Variants in BANP observed in about 807,000 individuals in gnomAD.
BANP encodes BTG3 associated nuclear protein.
In BANP, 11 loss-of-function variants were observed where a neutral mutation model predicts 68.1. The observed-to-expected ratio is 0.16, with a 90% CI of 0.10 to 0.27. BANP has a LOEUF of 0.27. BANP is among the 10% of genes least tolerant of loss of function. The pLI is 1.00. For missense variants in BANP, 504 were observed against 722.7 expected (o/e 0.70, Z 3.47); for synonymous variants, 329 against 303.2 (o/e 1.09, Z -0.88).
chr16:88,009,176 G>T (rs1297408318), intron 6 of BANP, among the ~76,000 whole-genome samples: 2 of 152,236 alleles, frequency 1.3e-5, no homozygotes, highest in African/African-American at 4.8e-5. Flanking sequence ...TGCCGAGAAT[G>T]GGGCCAGCAT....
In BANP at chr16:88,071,642, A is replaced by G. The variant is rs1350125841; in HGVS notation, c.1378-427A>G. 2 of 464,486 alleles carry G rather than the reference A, an allele frequency of 4.3e-6. No homozygotes were observed. Among genetic ancestry groups the G allele is most frequent in the Non-Finnish European group, 8.6e-6 (2 of 232,494 alleles). The allele number at this position is 464,486 out of a possible 1,614,324, so 28.8% of individuals were successfully genotyped here. A position where few individuals can be genotyped will look rare whatever the true frequency, so the allele number is the denominator to read the frequency against. ...TGGGAATGGGGAGGGTTTGGGTCTC[A>G]GCCTCACGCTCACGGTCCTGGCTTG... is the stretch of plus-strand genomic sequence containing the variant. On this transcript the variant is annotated intron_variant, in intron 12 of 13. Transcript: ENST00000682872. The surrounding 1 kb of genome is among the most constrained non-coding windows in gnomAD (Gnocchi z 6.5).
chr16:87,985,325 G>T (rs1411014936), intron 4 of BANP, among the ~76,000 whole-genome samples: 1 of 152,234 alleles, frequency 6.6e-6, no homozygotes, highest in Non-Finnish European at 1.5e-5. Context: ...TCAGTTCGCA[G>T]GCGGGAGCTG....
Position 88,033,136 on chromosome 16 carries a change from C to T in BANP, c.1091C>T (p.Ala364Val), listed in dbSNP as rs1421427532. Reference sequence around the variant, plus strand: ...CCGATGATGAGCACCCCACCTCCTGCCAGCGAGCTCCCGCAGCCACAGCCG... The same window carrying T: ...CCGATGATGAGCACCCCACCTCCTGTCAGCGAGCTCCCGCAGCCACAGCCG... ...SEPMMSTPPP[A>V]SELPQPQPQP... Residue 364 changes from alanine to valine, a missense_variant, in exon 9 of 14, where the codon GCC (alanine) becomes GTC (valine). Physicochemically the swap from Ala to Val is moderately conservative, Grantham distance 64. This residue lies in a region of BANP where 223 missense variants were observed against 246.2 expected (regional missense o/e 0.91). Transcript: ENST00000682872. The T allele has an allele frequency of 1.9e-6, 3 of 1,608,400 alleles. No individual in the cohort carries two copies. Among genetic ancestry groups the T allele is most frequent in the Non-Finnish European group, 1.7e-6 (2 of 1,175,848 alleles).
intron 4 of BANP, among the ~76,000 whole-genome samples, chr16:87,992,838 T>C (rs544341617): frequency 8.5e-5 from 13 of 152,220 alleles, no homozygotes; most frequent in African/African-American, 3.1e-4. Context: ...GAGTTAGTGT[T>C]GTTTGTGTCT....
intron 2 of BANP, chr16:87,978,362 C>G (rs11117343): frequency 0.34 from 87,753 of 255,760 alleles, 17,890 homozygotes; most frequent in Non-Finnish European, 0.46. Context: ...AGTCCCATAA[C>G]CTTCCTGGAC....
At chr16:87,976,929 A>G (rs1303077377) in intron 2 of BANP, among the ~76,000 whole-genome samples, 2 of 152,232 alleles carry the variant, frequency 1.3e-5, no homozygotes, top group African/African-American at 4.8e-5. Flanking sequence ...TTGTAAAATG[A>G]AAGTGTTCCA....
intron 1 of BANP, among the ~76,000 whole-genome samples, chr16:87,973,331 G>T (rs961569291): frequency 1.3e-5 from 2 of 151,782 alleles, no homozygotes; most frequent in Non-Finnish European, 2.9e-5. Context: ...TTATAATGTG[G>T]GAATAAAAAC....
chr16:88,033,806 G>A (rs901609728), intron 9 of BANP, among the ~76,000 whole-genome samples: 2 of 152,252 alleles, frequency 1.3e-5, no homozygotes, highest in Admixed American at 6.5e-5. Flanking sequence ...GACCCAAGCT[G>A]TGGTCAGCCT....
chr16:87,984,233 A>G lies in BANP; in HGVS notation c.336A>G (p.Ala112=). 1 of 1,601,170 alleles carries G rather than the reference A, an allele frequency of 6.2e-7. No individual in the cohort carries two copies. Among genetic ancestry groups the G allele is most frequent in the Non-Finnish European group, 8.5e-7 (1 of 1,173,070 alleles). The change falls in exon 4 of 14, where the codon GCA becomes GCG. Residue 112 remains alanine (A), a synonymous_variant. Transcript: ENST00000682872. ...TGGTGGCCGGCTCCCCTCTCGGGGCAACCCAGACGTGCAACAAAGTGCGAT... is the reference window on the plus strand; with the variant it reads ...TGGTGGCCGGCTCCCCTCTCGGGGCGACCCAGACGTGCAACAAAGTGCGAT... ...VPMVAGSPLG[A]TQTCNKVRCV... is the part of the protein sequence containing the mutation.
Position 88,072,116 on chromosome 16 carries a change from G to T in BANP, c.1425G>T (p.Ala475=). 1 of 1,606,384 alleles carries T rather than the reference G, an allele frequency of 6.2e-7. No homozygotes were observed. Among genetic ancestry groups the T allele is most frequent in the South Asian group, 1.1e-5 (1 of 89,980 alleles). The change falls in exon 13 of 14, where the codon GCG becomes GCT. Residue 475 remains alanine (A), a synonymous_variant. Coordinates refer to ENST00000682872, the MANE Select transcript of BANP (RefSeq NM_001386991.1). Reference sequence around the variant, plus strand: ...TCGCCGTGGCCTCCTCGGACCCCGCGGCGGCGGGCGTGGATGGGTCGCCAC... The same window carrying T: ...TCGCCGTGGCCTCCTCGGACCCCGCTGCGGCGGGCGTGGATGGGTCGCCAC... The part of the protein sequence containing the change: ...QLIAVASSDP[A]AAGVDGSPLQ...
chr16:88,039,408 C>G lies in BANP; in HGVS notation c.1311+1397C>G, dbSNP rs529612953. Among the ~76,000 whole-genome samples the G allele has an allele frequency of 1.7e-4, 24 of 144,050 alleles. No homozygotes were observed. In the South Asian group the frequency reaches 5.4e-3, roughly 32 times the overall value. The allele number at this position is 144,050 out of a possible 152,430, so 94.5% of individuals were successfully genotyped here. On this transcript the variant is annotated intron_variant, in intron 11 of 13. Coordinates refer to ENST00000682872, the MANE Select transcript of BANP (RefSeq NM_001386991.1). ...GGGCAGCAGAGGACAGGGCTCATAG[C>G]TGGCGGTCCGTCTTCGTTTTCTGCA...
chr16:88,009,662 C>G (rs1044962515), intron 6 of BANP, among the ~76,000 whole-genome samples: 2 of 152,042 alleles, frequency 1.3e-5, no homozygotes, highest in Non-Finnish European at 2.9e-5. Context: ...TAGCTCCTGA[C>G]TGTTGAAAGC....
chr16:88,021,843 G>T (rs1438926593), intron 7 of BANP, among the ~76,000 whole-genome samples: 1 of 152,188 alleles, frequency 6.6e-6, no homozygotes, highest in African/African-American at 2.4e-5. Context: ...GGCAGCTCAC[G>T]AGGGAGAAGA....
chr16:87,999,220 A>G (rs1598294296), intron 4 of BANP, among the ~76,000 whole-genome samples: 34 of 131,334 alleles, frequency 2.6e-4, no homozygotes, highest in Middle Eastern at 5.3e-3. Context: ...CCTTCCAGAC[A>G]CGTCTCCATG....
chr16:87,970,384 T>A (rs1216111569), intron 1 of BANP, among the ~76,000 whole-genome samples: 5 of 152,126 alleles, frequency 3.3e-5, no homozygotes. Flanking sequence ...TGTGTTTTTC[T>A]TTTTCTGATG....
At chr16:88,029,306 C>CAAAA (rs59989652) in intron 8 of BANP, among the ~76,000 whole-genome samples, 2 of 55,768 alleles carry the variant, frequency 3.6e-5, no homozygotes, top group Non-Finnish European at 6.6e-5. Flanking sequence ...GACTGTATCT[C>CAAAA]AAAAAAAAAA....
chr16:87,993,011 T>C (rs76574741), intron 4 of BANP, among the ~76,000 whole-genome samples: 3,495 of 152,302 alleles, frequency 0.023, 140 homozygotes, highest in African/African-American at 0.08. Context: ...TTCCTTGTTT[T>C]TGGCGACTTT....
chr16:88,059,642 T>C (rs2086152169), intron 11 of BANP, among the ~76,000 whole-genome samples: 1 of 152,116 alleles, frequency 6.6e-6, no homozygotes, highest in Non-Finnish European at 1.5e-5. Flanking sequence ...GAGCCCTGGC[T>C]CAGCACCACA....
intron 11 of BANP, among the ~76,000 whole-genome samples, chr16:88,049,884 C>A (rs2082855999): frequency 1.3e-5 from 2 of 152,208 alleles, no homozygotes. Flanking sequence ...GTTTCCTCCT[C>A]CCTCTGATTT....
Sources: gnomAD v4.1 joint callset for allele counts (sites outside exome capture counted in the v4.1 genomes callset) on GRCh38, gnomAD v4.1.1 for gene constraint, gnomAD v4.1.1 regional missense constraint, Gnocchi (gnomAD v3.1) non-coding constraint, MANE v1.5 for transcripts, NCBI Gene and HGNC (gene_info 2026-07-23, HGNC 2026-07-21) for gene names.